Variants in CNTN4 observed in about 807,000 individuals in gnomAD.
The protein encoded by CNTN4 is contactin-4.
CNTN4 carries 77 observed loss-of-function variants against 122.5 expected under a neutral mutation model. The observed-to-expected ratio is 0.63, with a 90% CI of 0.52 to 0.76. The LOEUF (loss-of-function observed/expected upper bound fraction) is 0.76. CNTN4 is among the 30% of genes least tolerant of loss of function. The pLI is 0.00. For missense variants in CNTN4, 1,256 were observed against 1,259.1 expected (o/e 1.00, Z 0.04); for synonymous variants, 512 against 447.0 (o/e 1.15, Z -1.83).
intron 6 of CNTN4, among the ~76,000 whole-genome samples, chr3:2,768,920 A>G (rs1390469237): frequency 1.3e-5 from 2 of 152,136 alleles, no homozygotes; most frequent in Admixed American, 6.5e-5. Context: ...TCGTGATCCC[A>G]TTAAGGGACA....
intron 4 of CNTN4, among the ~76,000 whole-genome samples, chr3:2,693,782 G>C (rs537036000): frequency 2.0e-5 from 3 of 152,238 alleles, no homozygotes; most frequent in African/African-American, 7.2e-5. Flanking sequence ...GTCCTCTCAA[G>C]AATACTAGGA....
chr3:2,804,724 C>A (rs2092424311), intron 6 of CNTN4, among the ~76,000 whole-genome samples: 1 of 119,070 alleles, frequency 8.4e-6, no homozygotes, highest in Admixed American at 8.2e-5. Flanking sequence ...ACCACACCCA[C>A]ATATTTTGAG....
chr3:2,521,940 G>C (rs1178333940), intron 3 of CNTN4, among the ~76,000 whole-genome samples: 9 of 152,104 alleles, frequency 5.9e-5, no homozygotes, highest in Non-Finnish European at 4.4e-5. Flanking sequence ...TTGGCTCTAA[G>C]CTTTGGTAAA....
intron 12 of CNTN4, 124 bp from the exon 13 acceptor site, chr3:2,925,505 A>T: frequency 9.7e-7 from 1 of 1,036,042 alleles, no homozygotes; most frequent in African/African-American, 1.6e-5. Flanking sequence ...GTGAGCCAAG[A>T]TTGCACCACT....
At chr3:2,158,898 A>G (rs1301803685) in intron 2 of CNTN4, among the ~76,000 whole-genome samples, 1 of 152,170 alleles carries the variant, frequency 6.6e-6, no homozygotes, top group Non-Finnish European at 1.5e-5. Context: ...GGCAACAAAT[A>G]CAACATTCTT....
intron 2 of CNTN4, among the ~76,000 whole-genome samples, chr3:2,293,602 T>C (rs559015233): frequency 6.6e-6 from 1 of 152,336 alleles, no homozygotes; most frequent in Non-Finnish European, 1.5e-5. Flanking sequence ...AATAGGTTTC[T>C]TGGCACATAA....
intron 3 of CNTN4, among the ~76,000 whole-genome samples, chr3:2,529,111 C>T (rs569063501): frequency 1.4e-4 from 22 of 152,178 alleles, no homozygotes; most frequent in African/African-American, 5.1e-4. Flanking sequence ...TTGCTCTCCC[C>T]ACTCTTCCCA....
At chr3:2,527,455 G>A (rs867904501) in intron 3 of CNTN4, among the ~76,000 whole-genome samples, 2 of 150,054 alleles carry the variant, frequency 1.3e-5, no homozygotes, top group Non-Finnish European at 1.5e-5. Flanking sequence ...TTGTTGCTGC[G>A]GTTGTTGTGG....
chr3:2,827,795 CA>C (rs1415280689), intron 7 of CNTN4, among the ~76,000 whole-genome samples: 1 of 152,134 alleles, frequency 6.6e-6, no homozygotes, highest in Non-Finnish European at 1.5e-5. Flanking sequence ...CTTAGAAAAA[CA>C]AGGCACTAGG....
chr3:2,736,233 GC>G lies in CNTN4; in HGVS notation c.77del (p.Pro26ArgfsTer10). The G allele has an allele frequency of 6.2e-7, 1 of 1,613,428 alleles. No individual in the cohort carries two copies. Among genetic ancestry groups the G allele is most frequent in the Non-Finnish European group, 8.5e-7 (1 of 1,179,694 alleles). On this transcript the variant is annotated frameshift_variant, in exon 5 of 25. Coordinates refer to ENST00000418658, the MANE Select transcript of CNTN4 (RefSeq NM_175607.3). LOFTEE classifies it high-confidence loss of function. Reference sequence around the variant, plus strand: ...ATTTCAGATGATTCCACACTGCATGGCCCGATTTTTATTCAAGAACCAAGTC... The same window carrying G: ...ATTTCAGATGATTCCACACTGCATGGCCGATTTTTATTCAAGAACCAAGTC... ...LCLADDSTLHGPIFIQEPSPV... is the reference protein window; with the variant it reads ...LCLADDSTLHXPIFIQEPSPV...
chr3:2,816,129 C>A, intron 6 of CNTN4, among the ~76,000 whole-genome samples: 1 of 151,918 alleles, frequency 6.6e-6, no homozygotes, highest in East Asian at 1.9e-4. Flanking sequence ...CCAAGGCAGG[C>A]AGATCATGAG....
chr3:2,980,759 G>A (rs891439449), intron 13 of CNTN4, among the ~76,000 whole-genome samples: 2 of 152,160 alleles, frequency 1.3e-5, no homozygotes, highest in Non-Finnish European at 2.9e-5. Context: ...TGGGACTTCC[G>A]GCTTGTGTTG....
intron 3 of CNTN4, among the ~76,000 whole-genome samples, chr3:2,481,752 T>A (rs1035092797): frequency 6.6e-6 from 1 of 152,112 alleles, no homozygotes; most frequent in Non-Finnish European, 1.5e-5. Flanking sequence ...TCCTATGCTG[T>A]TCTCATGTTA....
At chr3:2,890,695 A>G (rs1874961) in intron 10 of CNTN4, among the ~76,000 whole-genome samples, 73,239 of 151,382 alleles carry the variant, frequency 0.48, 17,949 homozygotes, top group East Asian at 0.67. Flanking sequence ...TGGAAGCCCT[A>G]TTGCCCTTTG....
intron 2 of CNTN4, among the ~76,000 whole-genome samples, chr3:2,121,107 C>T (rs1263697584): frequency 6.6e-6 from 1 of 151,736 alleles, no homozygotes; most frequent in Non-Finnish European, 1.5e-5. Flanking sequence ...CTTCTTCCTT[C>T]CTTCTCTCCC....
intron 3 of CNTN4, among the ~76,000 whole-genome samples, chr3:2,484,048 A>G (rs1211259049): frequency 6.6e-6 from 1 of 152,204 alleles, no homozygotes; most frequent in Non-Finnish European, 1.5e-5. Context: ...AAACATTGGC[A>G]AAGACATACC....
At chr3:2,993,383 T>C (rs1695225777) in intron 14 of CNTN4, among the ~76,000 whole-genome samples, 1 of 151,616 alleles carries the variant, frequency 6.6e-6, no homozygotes, top group Admixed American at 6.6e-5. Flanking sequence ...CTGCAACCTT[T>C]GCCTCCCGGG....
chr3:2,783,119 T>G (rs62232879), intron 6 of CNTN4, among the ~76,000 whole-genome samples: 1 of 118,252 alleles, frequency 8.5e-6, no homozygotes, highest in African/African-American at 3.2e-5. Flanking sequence ...TCTCTACTAA[T>G]TTTTTTTTTT....
At chr3:2,900,360 G>C (rs2094159850) in intron 10 of CNTN4, among the ~76,000 whole-genome samples, 1 of 152,102 alleles carries the variant, frequency 6.6e-6, no homozygotes, top group Non-Finnish European at 1.5e-5. Flanking sequence ...TGGGAGGGGG[G>C]GTGATGGGAA....
Sources: allele counts gnomAD v4.1 joint callset (sites outside exome capture counted in the v4.1 genomes callset), GRCh38; gene constraint gnomAD v4.1.1; transcripts MANE v1.5; gene names NCBI Gene and HGNC (gene_info 2026-07-23, HGNC 2026-07-21).